ZNF664: variants seen among roughly 807,000 people sequenced by gnomAD.
The protein encoded by ZNF664 is zinc finger Organ of Corti 1.
A neutral mutation model predicts 18.2 loss-of-function variants in ZNF664; 10 were observed. That is an observed-to-expected ratio of 0.55 (90% confidence interval 0.34 to 0.93). ZNF664 has a LOEUF of 0.93. Among genes scored for constraint, ZNF664 ranks in the 40% least tolerant of loss-of-function variants. The pLI is 0.02. For missense variants in ZNF664, 193 were observed against 319.0 expected (o/e 0.61, Z 3.01); for synonymous variants, 119 against 104.2 (o/e 1.14, Z -0.86).
chr12:124,010,631 A>G (rs1045227143), intron 3 of ZNF664, among the ~76,000 whole-genome samples: 8 of 152,226 alleles, frequency 5.3e-5, no homozygotes, highest in Non-Finnish European at 1.2e-4. Context: ...TTCAGAAAAT[A>G]TTCATTGAAC....
rs1273466020 is a variant in ZNF664 at position 124,013,740 on chromosome 12, C to T, written c.*810C>T. The T allele has an allele frequency of 2.4e-5, 4 of 167,246 alleles. No individual in the cohort carries two copies. Among genetic ancestry groups the T allele is most frequent in the African/African-American group, 9.6e-5 (4 of 41,578 alleles). The allele number at this position is 167,246 out of a possible 1,614,324, so 10.4% of individuals were successfully genotyped here. On this transcript the variant is annotated 3_prime_UTR_variant, in exon 5 of 5. Coordinates refer to ENST00000337815, the MANE Select transcript of ZNF664 (RefSeq NM_152437.3). ...AGCAAGCAAAGTGAGAGCTTTTCTT[C>T]ATCCAGAATTGCCCTCTGGGCTCCT...
At chr12:123,984,211 C>G (rs1460572090) in intron 2 of ZNF664, among the ~76,000 whole-genome samples, 1 of 152,110 alleles carries the variant, frequency 6.6e-6, no homozygotes, top group Non-Finnish European at 1.5e-5. Flanking sequence ...AGAGCTTGCC[C>G]GGCCAACTGA....
intron 3 of ZNF664, among the ~76,000 whole-genome samples, chr12:123,995,018 A>G (rs1273916233): frequency 6.6e-6 from 1 of 152,230 alleles, no homozygotes; most frequent in Non-Finnish European, 1.5e-5. Context: ...AGTAAAGGCA[A>G]TGATGAAAAT....
intron 2 of ZNF664, 119 bp downstream of exon 2, chr12:123,974,139 A>G (rs1956647909): frequency 3.0e-6 from 2 of 675,128 alleles, no homozygotes; most frequent in Non-Finnish European, 4.2e-6. Flanking sequence ...TGAACTCCGT[A>G]TACCCCCTCC....
chr12:123,984,211 C>T (rs1460572090), intron 2 of ZNF664, among the ~76,000 whole-genome samples: 1 of 152,110 alleles, frequency 6.6e-6, no homozygotes, highest in Non-Finnish European at 1.5e-5. Flanking sequence ...AGAGCTTGCC[C>T]GGCCAACTGA....
chr12:123,996,087 TA>T (rs1422043464), intron 3 of ZNF664, among the ~76,000 whole-genome samples: 1 of 152,226 alleles, frequency 6.6e-6, no homozygotes, highest in Non-Finnish European at 1.5e-5. Flanking sequence ...ATCTTTCAGT[TA>T]ACAGTGTGCA....
At chr12:123,981,215 CAAT>C (rs1956761698) in intron 2 of ZNF664, among the ~76,000 whole-genome samples, 1 of 151,980 alleles carries the variant, frequency 6.6e-6, no homozygotes, top group African/African-American at 2.4e-5. Flanking sequence ...GGGGGGAAGT[CAAT>C]GATATTGACT....
rs1032318975 is a variant in ZNF664 at position 124,015,014 on chromosome 12, T to G, written c.*2084T>G. 2.2e-4 allele frequency: 36 copies of G among 167,146 alleles called. No homozygotes were observed. The highest frequency in any genetic ancestry group is 2.3e-4 in the Non-Finnish European group (16 of 68,128). The allele number at this position is 167,146 out of a possible 1,614,324, so 10.4% of individuals were successfully genotyped here. Reference sequence around the variant, plus strand: ...AAGTACGATTTACTGTAGTGTCTTATCACTCTTTCATGTCACAATAGCGTG... The same window carrying G: ...AAGTACGATTTACTGTAGTGTCTTAGCACTCTTTCATGTCACAATAGCGTG... On this transcript the variant is annotated 3_prime_UTR_variant, in exon 5 of 5. Transcript: ENST00000337815.
At chr12:123,985,446 C>T (rs780082299) in intron 2 of ZNF664, among the ~76,000 whole-genome samples, 31 of 152,312 alleles carry the variant, frequency 2.0e-4, no homozygotes, top group Non-Finnish European at 3.7e-4. Context: ...TATTCTGACA[C>T]ACGTCAAATG....
chr12:123,980,045 A>G (rs1355611589), intron 2 of ZNF664, among the ~76,000 whole-genome samples: 1 of 152,236 alleles, frequency 6.6e-6, no homozygotes, highest in Non-Finnish European at 1.5e-5. Context: ...ATGGATGTCT[A>G]GAATATACTG....
intron 3 of ZNF664, among the ~76,000 whole-genome samples, chr12:124,004,368 A>T (rs147047642): frequency 1.3e-5 from 2 of 152,348 alleles, no homozygotes; most frequent in Non-Finnish European, 2.9e-5. Context: ...AAAAGGTTCC[A>T]TAGGATTAAC....
At chr12:123,992,190 A>T (rs865791401) in intron 3 of ZNF664, among the ~76,000 whole-genome samples, 5 of 152,104 alleles carry the variant, frequency 3.3e-5, no homozygotes, top group African/African-American at 1.2e-4. Context: ...GAAGGAGGCG[A>T]GGGGCCCAAA....
intron 2 of ZNF664, among the ~76,000 whole-genome samples, chr12:123,981,594 T>C (rs1436092178): frequency 6.6e-6 from 1 of 152,208 alleles, no homozygotes; most frequent in Admixed American, 6.5e-5. Context: ...CTGTAAGAGA[T>C]AAATTTCTTC....
intron 2 of ZNF664, among the ~76,000 whole-genome samples, chr12:123,978,641 G>T (rs1956723594): frequency 6.6e-6 from 1 of 152,094 alleles, no homozygotes; most frequent in South Asian, 2.1e-4. Context: ...AATTCTTCTG[G>T]ACACTAGATA....
In ZNF664 at chr12:124,012,317, T is replaced by G. The variant is rs80197353; in HGVS notation, c.173T>G (p.Val58Gly). The G allele has an allele frequency of 0.09, 144,584 of 1,606,826 alleles. No individual in the cohort carries two copies. Among genetic ancestry groups the G allele is most frequent in the Non-Finnish European group, 0.1 (118,131 of 1,173,654 alleles). ...TGGAGAGACCATACAGGAGAGAAGG[T>G]CTATAAATGTGATGATTGTGGTAAG... ...IHWRDHTGEK[V>G]YKCDDCGKDF... The change falls in exon 5 of 5, where the codon GTC (valine) becomes GGC (glycine). Residue 58 changes from valine to glycine, a missense_variant. Val to Gly is a moderately radical substitution (Grantham distance 109). Coordinates refer to ENST00000337815, the MANE Select transcript of ZNF664 (RefSeq NM_152437.3).
intron 2 of ZNF664, among the ~76,000 whole-genome samples, chr12:123,981,817 A>C (rs1956768165): frequency 6.6e-6 from 1 of 152,258 alleles, no homozygotes; most frequent in African/African-American, 2.4e-5. Flanking sequence ...TAGATACTAT[A>C]CATAGCTATG....
intron 3 of ZNF664, among the ~76,000 whole-genome samples, chr12:123,995,971 C>T (rs374550178): frequency 6.6e-6 from 1 of 152,014 alleles, no homozygotes; most frequent in Non-Finnish European, 1.5e-5. Flanking sequence ...CCATTATTGC[C>T]GCATAGAGAG....
intron 3 of ZNF664, among the ~76,000 whole-genome samples, chr12:123,989,711 A>G (rs991138675): frequency 2.6e-5 from 4 of 152,210 alleles, no homozygotes; most frequent in African/African-American, 9.6e-5. Context: ...CAGATTTGCT[A>G]TTAGCCATTA....
At chr12:123,994,190 T>G (rs1230559842) in intron 3 of ZNF664, among the ~76,000 whole-genome samples, 2 of 152,110 alleles carry the variant, frequency 1.3e-5, no homozygotes, top group African/African-American at 4.8e-5. Flanking sequence ...CATCTTACAG[T>G]TTGTTTGCAT....
Sources: gnomAD v4.1 joint callset for allele counts (sites outside exome capture counted in the v4.1 genomes callset) on GRCh38, gnomAD v4.1.1 for gene constraint, MANE v1.5 for transcripts, NCBI Gene and HGNC (gene_info 2026-07-23, HGNC 2026-07-21) for gene names.